DNAJC17: variants seen among roughly 807,000 people sequenced by gnomAD.
DNAJC17 encodes DnaJ heat shock protein family (Hsp40) member C17.
DNAJC17 carries 35 observed loss-of-function variants against 48.1 expected under a neutral mutation model. The ratio of observed to expected loss-of-function variants is 0.73; its 90% CI spans 0.56 to 0.96. The LOEUF (loss-of-function observed/expected upper bound fraction) is 0.96. Among genes scored for constraint, DNAJC17 ranks in the 50% least tolerant of loss-of-function variants. DNAJC17 has a pLI of 0.00. For missense variants in DNAJC17, 355 were observed against 377.1 expected, an observed-to-expected ratio of 0.94 and a Z score of 0.48; for synonymous variants, 117 against 142.7, an observed-to-expected ratio of 0.82 and a Z score of 1.28.
intron 1 of DNAJC17, among the ~76,000 whole-genome samples, chr15:40,796,377 A>C (rs897030698): frequency 2.0e-5 from 3 of 152,306 alleles, no homozygotes; most frequent in African/African-American, 4.8e-5. Context: ...GCTCATTTAA[A>C]TAGGTAGTCA....
intron 4 of DNAJC17, 151 bp downstream of exon 4, chr15:40,779,072 T>C (rs1889406614): frequency 1.3e-6 from 1 of 750,356 alleles, no homozygotes; most frequent in Non-Finnish European, 2.4e-6. Context: ...AAGAGTGTCT[T>C]TAGGAACCAA....
chr15:40,800,937 G>A (rs1890059806), intron 1 of DNAJC17, among the ~76,000 whole-genome samples: 1 of 148,278 alleles, frequency 6.7e-6, no homozygotes, highest in African/African-American at 2.5e-5. Context: ...CAGCCTGGGC[G>A]ACAGCGAGAC....
intron 10 of DNAJC17, chr15:40,772,058 C>T (rs897893272): frequency 5.4e-5 from 9 of 166,996 alleles, no homozygotes; most frequent in African/African-American, 1.7e-4. Context: ...TTTCCTTCCT[C>T]GAAGAGAGGA....
chr15:40,774,289 C>A, intron 9 of DNAJC17, 67 bp downstream of exon 9: 1 of 1,566,934 alleles, frequency 6.4e-7, no homozygotes, highest in Non-Finnish European at 8.8e-7. Flanking sequence ...AGAGGGCCCA[C>A]AGAATTGGGT....
At chr15:40,779,097 G>A (rs750987776) in intron 4 of DNAJC17, 126 bp downstream of exon 4, 188 of 892,444 alleles carry the variant, frequency 2.1e-4, no homozygotes, top group Non-Finnish European at 3.1e-4. Context: ...TAAGAACAGC[G>A]TTTTGCCCAG....
At chr15:40,780,159 G>A (rs1249377616) in intron 1 of DNAJC17, 162 bp from the exon 2 acceptor site, 2 of 730,666 alleles carry the variant, frequency 2.7e-6, no homozygotes, top group African/African-American at 1.7e-5. Context: ...GGAGGCCAAG[G>A]CCATGGAGGG....
Position 40,770,811 on chromosome 15 carries a change from TA to T in DNAJC17, c.793-2750del. Reference sequence around the variant, plus strand: ...GCCCCCACCTGCCTACACAGCAGCCTACTCTGCCACCCTGCCATCGGCGCTC... The same window carrying T: ...GCCCCCACCTGCCTACACAGCAGCCTCTCTGCCACCCTGCCATCGGCGCTC... On this transcript the variant is annotated intron_variant, in intron 10 of 10. Transcript: ENST00000220496. This position sits in a 1 kb window ranked among gnomAD's most constrained non-coding sequence, Gnocchi z 5.0. 1 of 1,550,456 alleles carries T rather than the reference TA, an allele frequency of 6.4e-7. No individual in the cohort carries two copies. Among genetic ancestry groups the T allele is most frequent in the Non-Finnish European group, 8.7e-7 (1 of 1,146,950 alleles).
intron 1 of DNAJC17, among the ~76,000 whole-genome samples, chr15:40,802,342 A>G (rs576332273): frequency 1.3e-5 from 2 of 151,930 alleles, no homozygotes; most frequent in African/African-American, 4.8e-5. Flanking sequence ...GCTAGTTTTT[A>G]TATTTTTAGT....
In DNAJC17 at chr15:40,765,673, C is replaced by G; in HGVS notation, c.*2267G>C. On this transcript the variant is annotated 3_prime_UTR_variant, in exon 11 of 11. Transcript: ENST00000220496. ...TGATCATTGATGGGCTCCACCCCTT[C>G]ACAGCTTGTGCTCAGCCCCTAAGAA... The G allele has an allele frequency of 2.4e-6, 1 of 421,072 alleles. No individual in the cohort carries two copies. The highest frequency in any genetic ancestry group is 4.3e-6 in the Non-Finnish European group (1 of 234,776). The allele number at this position is 421,072 out of a possible 1,614,324, so 26.1% of individuals were successfully genotyped here.
In DNAJC17 at chr15:40,767,054, A is replaced by G; in HGVS notation, c.*886T>C. The G allele has an allele frequency of 1.9e-6, 1 of 516,658 alleles. No homozygotes were observed. The allele number at this position is 516,658 out of a possible 1,614,324, so 32.0% of individuals were successfully genotyped here. A position where few individuals can be genotyped will look rare whatever the true frequency, so the allele number is the denominator to read the frequency against. ...GAAGAATAAATGAGATAGCTCGTGAAGTACCTAGAAGGGGAGGAGGCAGGG... is the reference window on the plus strand; with the variant it reads ...GAAGAATAAATGAGATAGCTCGTGAGGTACCTAGAAGGGGAGGAGGCAGGG... On this transcript the variant is annotated 3_prime_UTR_variant, in exon 11 of 11. Coordinates refer to ENST00000220496, the MANE Select transcript of DNAJC17 (RefSeq NM_018163.3).
At chr15:40,774,212 G>A in intron 9 of DNAJC17, 144 bp downstream of exon 9, 2 of 903,128 alleles carry the variant, frequency 2.2e-6, no homozygotes, top group Non-Finnish European at 3.4e-6. Flanking sequence ...GGAGTCAGGG[G>A]CCCCTGGGAA....
In DNAJC17 at chr15:40,805,375, CAAAAAAA is replaced by C. The variant is rs559577744; in HGVS notation, c.78+1987_78+1993del. 6.7e-3 allele frequency among the ~76,000 whole-genome samples: 728 copies of C among 107,868 alleles called. 7 individuals carry two copies. Among genetic ancestry groups the C allele is most frequent in the African/African-American group, 0.027 (634 of 23,864 alleles). 70.8% of individuals were successfully genotyped at this position (107,868 alleles called of 152,430 possible). On this transcript the variant is annotated intron_variant, in intron 1 of 10. Coordinates refer to ENST00000220496, the MANE Select transcript of DNAJC17 (RefSeq NM_018163.3). ...TGGGCCAAAGAGTGATACTCTGTCT[CAAAAAAA>C]AAAAAAAAAAAAAAATTAGCCGGGC...
At chr15:40,776,650 C>G in intron 4 of DNAJC17, 23 bp from the exon 5 acceptor site, 1 of 1,613,002 alleles carries the variant, frequency 6.2e-7, no homozygotes, top group Non-Finnish European at 8.5e-7. Flanking sequence ...GTTGAATGAC[C>G]AGACTGCTGG....
At chr15:40,779,123 G>A (rs781404936) in intron 4 of DNAJC17, 100 bp downstream of exon 4, 9 of 1,227,854 alleles carry the variant, frequency 7.3e-6, no homozygotes, top group Non-Finnish European at 1.2e-6. Context: ...GAGCCAAAAG[G>A]CTTTGAGATG....
intron 1 of DNAJC17, among the ~76,000 whole-genome samples, chr15:40,802,450 T>C (rs1238946003): frequency 1.3e-5 from 2 of 152,302 alleles, no homozygotes; most frequent in East Asian, 1.9e-4. Flanking sequence ...ATTACAGACA[T>C]GAGCCACTGC....
chr15:40,800,513 C>CAT (rs1890050508), intron 1 of DNAJC17, among the ~76,000 whole-genome samples: 1 of 149,058 alleles, frequency 6.7e-6, no homozygotes, highest in Admixed American at 6.7e-5. Flanking sequence ...TTTTTACAGA[C>CAT]AGAGTTTCAC....
At chr15:40,795,660 G>A (rs980282267) in intron 1 of DNAJC17, among the ~76,000 whole-genome samples, 3 of 152,180 alleles carry the variant, frequency 2.0e-5, no homozygotes, top group African/African-American at 7.2e-5. Context: ...ACTTTGGGAG[G>A]CTGAGCCAGG....
rs1888986191 is a variant in DNAJC17 at position 40,767,783 on chromosome 15, A to G, written c.*157T>C. The G allele has an allele frequency of 9.0e-7, 1 of 1,113,404 alleles. No homozygotes were observed. Among genetic ancestry groups the G allele is most frequent in the African/African-American group, 1.6e-5 (1 of 62,712 alleles). The allele number at this position is 1,113,404 out of a possible 1,614,324, so 69.0% of individuals were successfully genotyped here. A position where few individuals can be genotyped will look rare whatever the true frequency, so the allele number is the denominator to read the frequency against. On this transcript the variant is annotated 3_prime_UTR_variant, in exon 11 of 11. Coordinates refer to ENST00000220496, the MANE Select transcript of DNAJC17 (RefSeq NM_018163.3). ...GGAGCGTTTCCCTGGGGGTCTGCCC[A>G]CTTCCTGGGAGGGGCGCCAGGCCTG...
intron 10 of DNAJC17, among the ~76,000 whole-genome samples, chr15:40,772,625 C>T (rs532382616): frequency 6.6e-6 from 1 of 152,290 alleles, no homozygotes; most frequent in South Asian, 2.1e-4. Flanking sequence ...GGGCAGGCAA[C>T]GGAGCAGGCT....
Sources: allele counts gnomAD v4.1 joint callset (sites outside exome capture counted in the v4.1 genomes callset), GRCh38; gene constraint gnomAD v4.1.1; non-coding constraint Gnocchi (gnomAD v3.1); transcripts MANE v1.5; gene names NCBI Gene and HGNC (gene_info 2026-07-23, HGNC 2026-07-21).